TENM3: variants seen among roughly 807,000 people sequenced by gnomAD.
The protein encoded by TENM3 is teneurin-3.
In TENM3, 63 loss-of-function variants were observed where a neutral mutation model predicts 255.1. The ratio of observed to expected loss-of-function variants is 0.25; its 90% CI spans 0.20 to 0.30. TENM3 has a LOEUF of 0.30. Among genes scored for constraint, TENM3 ranks in the 10% least tolerant of loss-of-function variants. The pLI is 1.00. For synonymous variants in TENM3, 1,306 were observed against 1,322.3 expected, an observed-to-expected ratio of 0.99 and a Z score of 0.27; for missense variants, 2,929 against 3,461.1, an observed-to-expected ratio of 0.85 and a Z score of 3.86.
chr4:182,161,572 GT>G (rs70954291), intron 1 of TENM3, among the ~76,000 whole-genome samples: 115,538 of 124,152 alleles, frequency 0.93, 54,081 homozygotes, highest in Non-Finnish European at 0.97. Context: ...GGGCAACAGA[GT>G]TGAGGCTCAG....
At chr4:182,434,864 G>A (rs1771935876) in intron 3 of TENM3, among the ~76,000 whole-genome samples, 1 of 152,138 alleles carries the variant, frequency 6.6e-6, no homozygotes, top group Admixed American at 6.5e-5. Flanking sequence ...TGGCTAGGCT[G>A]GACCTCTACG....
At chr4:181,663,037 A>G in the TENM3 span, among the ~76,000 whole-genome samples, 1 of 152,152 alleles carries the variant, frequency 6.6e-6, no homozygotes, top group Non-Finnish European at 1.5e-5. Flanking sequence ...TTTCAAGACT[A>G]TTTATTTCCT....
the TENM3 span, among the ~76,000 whole-genome samples, chr4:181,450,575 T>C: frequency 2.6e-5 from 4 of 152,314 alleles, no homozygotes; most frequent in East Asian, 1.9e-4. Flanking sequence ...ATTTTACTTA[T>C]CTGAGTGTTT....
At chr4:182,305,732 T>C (rs1198583263) in intron 1 of TENM3, among the ~76,000 whole-genome samples, 2 of 152,082 alleles carry the variant, frequency 1.3e-5, no homozygotes, top group Non-Finnish European at 2.9e-5. Flanking sequence ...CCCTGCAGAG[T>C]ATTCAATGAT....
intron 3 of TENM3, among the ~76,000 whole-genome samples, chr4:182,465,416 G>A (rs1415075877): frequency 3.3e-5 from 5 of 152,082 alleles, no homozygotes; most frequent in Non-Finnish European, 7.4e-5. Flanking sequence ...GGGAGCACAC[G>A]GCTGTGTCTG....
the TENM3 span, chr4:181,975,497 G>A: frequency 2.0e-5 from 3 of 152,220 alleles, no homozygotes; most frequent in African/African-American, 7.2e-5. Flanking sequence ...TTAACTGTTG[G>A]TGGACACTTA....
the TENM3 span, among the ~76,000 whole-genome samples, chr4:181,732,918 G>T: frequency 6.6e-6 from 1 of 152,080 alleles, no homozygotes; most frequent in Non-Finnish European, 1.5e-5. Context: ...AGATAATTTT[G>T]GTATATTCGA....
chr4:181,904,089 C>T, the TENM3 span, among the ~76,000 whole-genome samples: 3 of 152,250 alleles, frequency 2.0e-5, no homozygotes, highest in African/African-American at 4.8e-5. Flanking sequence ...TTGATATCCA[C>T]TTCCATATTT....
At chr4:182,321,039 C>T (rs1174246831) in intron 1 of TENM3, among the ~76,000 whole-genome samples, 5 of 152,094 alleles carry the variant, frequency 3.3e-5, no homozygotes, top group South Asian at 4.1e-4. Context: ...CTTCAAATCC[C>T]GAATCTTTAT....
chr4:181,847,291 AAG>A, the TENM3 span, among the ~76,000 whole-genome samples: 2 of 152,358 alleles, frequency 1.3e-5, no homozygotes, highest in Admixed American at 6.5e-5. Flanking sequence ...TGGAAAATAA[AAG>A]AGTAAATCTG....
At chr4:182,280,192 G>T (rs1358223747) in intron 1 of TENM3, among the ~76,000 whole-genome samples, 2 of 152,164 alleles carry the variant, frequency 1.3e-5, no homozygotes, top group Admixed American at 1.3e-4. Flanking sequence ...TTGGCCGCTC[G>T]ACTTTAGTGA....
intron 5 of TENM3, among the ~76,000 whole-genome samples, chr4:182,642,436 G>GA (rs1230120861): frequency 6.6e-6 from 1 of 152,066 alleles, no homozygotes; most frequent in Non-Finnish European, 1.5e-5. Context: ...AGTTCAGAAA[G>GA]AAAAAATGCA....
At chr4:181,511,500 G>T in the TENM3 span, among the ~76,000 whole-genome samples, 1 of 152,002 alleles carries the variant, frequency 6.6e-6, no homozygotes, top group East Asian at 1.9e-4. Flanking sequence ...TCCCTCCCTC[G>T]TAAGAGACAT....
the TENM3 span, among the ~76,000 whole-genome samples, chr4:182,025,535 C>T: frequency 6.6e-6 from 1 of 152,114 alleles, no homozygotes; most frequent in South Asian, 2.1e-4. Flanking sequence ...GGTATACACC[C>T]AGCAGTGGAA....
chr4:182,302,281 C>A (rs1761897524), intron 1 of TENM3, among the ~76,000 whole-genome samples: 1 of 152,150 alleles, frequency 6.6e-6, no homozygotes, highest in Non-Finnish European at 1.5e-5. Context: ...GGAAGGTTAG[C>A]ATTTCGTTTT....
At chr4:182,715,983 G>A (rs754347729) in intron 13 of TENM3, among the ~76,000 whole-genome samples, 5 of 150,396 alleles carry the variant, frequency 3.3e-5, no homozygotes, top group African/African-American at 1.0e-4. Flanking sequence ...TAGGTGGCCC[G>A]TAGCCTTCAC....
chr4:181,793,760 G>T, the TENM3 span, among the ~76,000 whole-genome samples: 3 of 152,170 alleles, frequency 2.0e-5, no homozygotes, highest in African/African-American at 7.2e-5. Context: ...ATACAAAGAA[G>T]AAAATGCTGT....
At chr4:182,116,573 G>A in the TENM3 span, among the ~76,000 whole-genome samples, 1 of 152,104 alleles carries the variant, frequency 6.6e-6, no homozygotes, top group African/African-American at 2.4e-5. Flanking sequence ...CCTGTGAAGA[G>A]GTGTCTTCCA....
At chr4:182,252,948 T>A (rs1340980788) in intron 1 of TENM3, among the ~76,000 whole-genome samples, 4 of 152,146 alleles carry the variant, frequency 2.6e-5, no homozygotes, top group Non-Finnish European at 4.4e-5. Context: ...AGAGCAAGGA[T>A]CTGGACCCAG....
Sources: allele counts gnomAD v4.1 joint callset (sites outside exome capture counted in the v4.1 genomes callset), GRCh38; gene constraint gnomAD v4.1.1; transcripts MANE v1.5; gene names NCBI Gene and HGNC (gene_info 2026-07-23, HGNC 2026-07-21).